The following PEX5L variants were observed in gnomAD, a reference collection of about 807,000 sequenced individuals.
PEX5L encodes the protein peroxisomal biogenesis factor 5 like.
Under a neutral mutation model 84.0 loss-of-function variants are expected in PEX5L, and 30 were observed. The observed-to-expected ratio is 0.36, with a 90% CI of 0.27 to 0.48. The LOEUF is 0.48. PEX5L is among the 20% of genes least tolerant of loss of function. The pLI is 0.99. For synonymous variants in PEX5L, 270 were observed against 283.1 expected (o/e 0.95, Z 0.46); for missense variants, 533 against 754.6 (o/e 0.71, Z 3.44).
chr3:180,036,208 T>G (rs543040012), intron 1 of PEX5L, among the ~76,000 whole-genome samples: 68 of 152,370 alleles, frequency 4.5e-4, no homozygotes, highest in South Asian at 1.4e-3. Flanking sequence ...AAGCTTTGTC[T>G]TTCCTATTAT....
intron 2 of PEX5L, among the ~76,000 whole-genome samples, chr3:179,952,892 AC>A (rs1284266384): frequency 6.6e-6 from 1 of 152,194 alleles, no homozygotes; most frequent in Non-Finnish European, 1.5e-5. Context: ...TGGTACCGGT[AC>A]CAAAACAGAT....
chr3:179,941,146 T>C (rs1455659078), intron 2 of PEX5L, among the ~76,000 whole-genome samples: 1 of 152,252 alleles, frequency 6.6e-6, no homozygotes, highest in Non-Finnish European at 1.5e-5. Flanking sequence ...CCATTTATTG[T>C]GCGCCAAGCT....
intron 2 of PEX5L, among the ~76,000 whole-genome samples, chr3:179,953,550 A>C (rs1265979975): frequency 6.6e-6 from 1 of 152,202 alleles, no homozygotes; most frequent in Admixed American, 6.5e-5. Flanking sequence ...TTGTTCAGTA[A>C]AAAATCTTGA....
chr3:179,971,870 G>T (rs1209037366), intron 1 of PEX5L, among the ~76,000 whole-genome samples: 3 of 152,068 alleles, frequency 2.0e-5, no homozygotes, highest in African/African-American at 7.2e-5. Flanking sequence ...TATCTGCTTA[G>T]CCTCCACTAC....
chr3:180,021,726 T>C (rs1377189226), intron 1 of PEX5L, among the ~76,000 whole-genome samples: 3 of 152,192 alleles, frequency 2.0e-5, no homozygotes, highest in African/African-American at 7.2e-5. Flanking sequence ...TCTGAACATG[T>C]TGACTTTGAG....
chr3:179,957,975 G>C lies in PEX5L; in HGVS notation c.93+13619C>G, dbSNP rs1578970682. Among the ~76,000 whole-genome samples, 3 of 151,904 alleles carry C rather than the reference G, an allele frequency of 2.0e-5. No homozygotes were observed. In the East Asian group the frequency reaches 5.8e-4, roughly 29 times the overall value. ...TTTGCTTTTGATTATGCATGTTTAT[G>C]GCTATGTAGCCACACATTCTCCTTT... On this transcript the variant is annotated intron_variant, in intron 2 of 14. Transcript: ENST00000467460.
At position 179,874,011 on chromosome 3, in the gene PEX5L, T is replaced by A. The variant is rs556984131; in HGVS notation, c.726+316A>T. Among the ~76,000 whole-genome samples the A allele has an allele frequency of 1.4e-3, 209 of 152,196 alleles. 2 individuals are homozygous for A. The highest frequency in any genetic ancestry group is 4.9e-3 in the African/African-American group (203 of 41,538). ...AGTTCTGTTATGTAAATAGTGCTAA[T>A]AATAGAGTAGAACAGATTTTGTATT... On this transcript the variant is annotated intron_variant, in intron 7 of 14. Transcript: ENST00000467460.
intron 2 of PEX5L, among the ~76,000 whole-genome samples, chr3:179,944,119 G>A (rs1241937391): frequency 6.6e-6 from 1 of 152,102 alleles, no homozygotes; most frequent in Non-Finnish European, 1.5e-5. Context: ...ATGATGTCCG[G>A]GTAGTTCATC....
At chr3:179,991,882 C>A (rs1351972289) in intron 1 of PEX5L, among the ~76,000 whole-genome samples, 1 of 152,122 alleles carries the variant, frequency 6.6e-6, no homozygotes, top group African/African-American at 2.4e-5. Flanking sequence ...AGTATATTTT[C>A]TTAGCTTTAG....
chr3:179,941,802 C>A (rs1776161309), intron 2 of PEX5L, among the ~76,000 whole-genome samples: 1 of 152,022 alleles, frequency 6.6e-6, no homozygotes, highest in African/African-American at 2.4e-5. Flanking sequence ...GTGGGCGGAT[C>A]ACGAGGTCAG....
At chr3:179,849,750 T>C (rs1448734807) in intron 8 of PEX5L, among the ~76,000 whole-genome samples, 2 of 152,260 alleles carry the variant, frequency 1.3e-5, no homozygotes, top group African/African-American at 4.8e-5. Flanking sequence ...ATAGAGTTTA[T>C]GTCTTTTCAT....
intron 2 of PEX5L, among the ~76,000 whole-genome samples, chr3:179,951,302 T>C (rs1779021693): frequency 6.6e-6 from 1 of 152,184 alleles, no homozygotes; most frequent in Admixed American, 6.5e-5. Context: ...GTGTCTTTCT[T>C]CCTTAGTAAC....
intron 8 of PEX5L, among the ~76,000 whole-genome samples, chr3:179,850,091 A>C (rs147301690): frequency 3.2e-4 from 48 of 152,120 alleles, no homozygotes; most frequent in African/African-American, 1.2e-3. Context: ...CTGATCACTT[A>C]TCCACAAATT....
rs531504098 is a variant in PEX5L, at chr3:179,976,504, T to C, written c.22-4839A>G. Among the ~76,000 whole-genome samples, 12 of 152,196 alleles carry C rather than the reference T, an allele frequency of 7.9e-5. 1 individual carries two copies. The highest frequency in any genetic ancestry group is 2.0e-4 in the Admixed American group (3 of 15,286). ...CCAGGCTGGAGTTCCGTGATGTGAT[T>C]TCGGCTCACTGCAACTTCCGCCTCC... is the stretch of plus-strand genomic sequence containing the variant. On this transcript the variant is annotated intron_variant, in intron 1 of 14. Coordinates refer to ENST00000467460, the MANE Select transcript of PEX5L (RefSeq NM_016559.3).
Position 179,887,700 on chromosome 3 carries a change from C to T in PEX5L, c.283G>A (p.Ala95Thr). 1 of 1,612,744 alleles carries T rather than the reference C, an allele frequency of 6.2e-7. No individual in the cohort carries two copies. The highest frequency in any genetic ancestry group is 8.5e-7 in the Non-Finnish European group (1 of 1,178,794). ...FLCETKSEAI[A>T]RPVTSNTAVL... ...GCTGTATTGGATGTTACTGGCCTTG[C>T]TATTGCTTCCGATTTGGTTTCACAG... is the stretch of plus-strand genomic sequence containing the variant. The change falls in exon 4 of 15, where the codon GCA becomes ACA. Residue 95 changes from alanine (A) to threonine (T), a missense_variant. Physicochemically the swap from Ala to Thr is moderately conservative, Grantham distance 58. Transcript: ENST00000467460.
intron 1 of PEX5L, among the ~76,000 whole-genome samples, chr3:180,035,327 T>C (rs1454266036): frequency 6.6e-6 from 1 of 152,196 alleles, no homozygotes; most frequent in Admixed American, 6.5e-5. Flanking sequence ...ATAAGAAACA[T>C]GCAGATCACA....
chr3:179,921,537 A>T (rs927286153), intron 2 of PEX5L: 1 of 152,156 alleles, frequency 6.6e-6, no homozygotes, highest in African/African-American at 2.4e-5. Context: ...GATCTTTATG[A>T]CTATTCTTCC....
intron 7 of PEX5L, among the ~76,000 whole-genome samples, chr3:179,863,299 A>G (rs898391959): frequency 2.0e-5 from 3 of 151,280 alleles, no homozygotes; most frequent in Non-Finnish European, 4.4e-5. Context: ...TAAAAATATG[A>G]CACTAAAAAC....
intron 1 of PEX5L, among the ~76,000 whole-genome samples, chr3:180,017,180 T>C (rs1443971057): frequency 6.6e-6 from 1 of 152,230 alleles, no homozygotes; most frequent in African/African-American, 2.4e-5. Context: ...CGCCACCATA[T>C]TTTTGACTTA....
Sources: gnomAD v4.1 joint callset for allele counts (sites outside exome capture counted in the v4.1 genomes callset) on GRCh38, gnomAD v4.1.1 for gene constraint, MANE v1.5 for transcripts, NCBI Gene and HGNC (gene_info 2026-07-23, HGNC 2026-07-21) for gene names.